RHBDL2: variants seen among roughly 807,000 people sequenced by gnomAD.
RHBDL2 encodes rhomboid like 2.
RHBDL2 carries 26 observed loss-of-function variants against 31.7 expected under a neutral mutation model. That is an observed-to-expected ratio of 0.82 (90% CI 0.60 to 1.14). The LOEUF is 1.14. Ranked by LOEUF, RHBDL2 falls within the 50% of genes most tolerant of loss-of-function variation. RHBDL2 has a pLI of 0.00. For missense variants in RHBDL2, 336 were observed against 364.4 expected, an observed-to-expected ratio of 0.92 and a Z score of 0.63; for synonymous variants, 123 against 127.2, an observed-to-expected ratio of 0.97 and a Z score of 0.22.
chr1:38,888,002 A>G lies in RHBDL2; in HGVS notation c.693T>C (p.Ala231=). 6.2e-7 allele frequency: 1 copy of G among 1,613,010 alleles called. No homozygotes were observed. Among genetic ancestry groups the G allele is most frequent in the Non-Finnish European group, 8.5e-7 (1 of 1,179,070 alleles). Residue 231 remains alanine (A), a synonymous_variant, in exon 7 of 8, where the codon GCT becomes GCC. Transcript: ENST00000372990. ...ILIIVLDMGF[A]LYRRFFVPED... ...CAGGAACAAAGAACCTTCTATAGAGAGCAAATCCCATGTCCAACACAACTA... is the reference window on the plus strand; with the variant it reads ...CAGGAACAAAGAACCTTCTATAGAGGGCAAATCCCATGTCCAACACAACTA...
intron 2 of RHBDL2, among the ~76,000 whole-genome samples, chr1:38,916,701 A>C (rs573364101): frequency 8.1e-6 from 1 of 123,240 alleles, no homozygotes; most frequent in African/African-American, 2.8e-5. Flanking sequence ...TACAAAAAAA[A>C]CAAACAAACA....
intron 4 of RHBDL2, 39 bp from the exon 5 acceptor site, chr1:38,896,108 CG>C: frequency 2.1e-6 from 3 of 1,418,010 alleles, no homozygotes; most frequent in Non-Finnish European, 3.0e-6. Flanking sequence ...CATGACTATA[CG>C]GATCAGGAAA....
At chr1:38,895,492 TGA>T (rs1056086140) in intron 5 of RHBDL2, among the ~76,000 whole-genome samples, 24 of 151,914 alleles carry the variant, frequency 1.6e-4, no homozygotes, top group African/African-American at 5.8e-4. Flanking sequence ...ACTTTTGAAA[TGA>T]GAAAAAAAAT....
At position 38,923,781 on chromosome 1, in the gene RHBDL2, G is replaced by T. The variant is rs566959828; in HGVS notation, c.-125-4444C>A. ...TCACTGGGTGGAGATTTACTGCACT[G>T]ACTCTGCTTTCTTACTCACTAAGCA... On this transcript the variant is annotated intron_variant, in intron 1 of 7. Transcript: ENST00000372990. 3.3e-5 allele frequency among the ~76,000 whole-genome samples: 5 copies of T among 152,286 alleles called. No homozygotes were observed. In the East Asian group the frequency reaches 9.6e-4, roughly 29 times the overall value.
chr1:38,911,931 C>T (rs1643154018), intron 3 of RHBDL2, among the ~76,000 whole-genome samples: 1 of 151,906 alleles, frequency 6.6e-6, no homozygotes, highest in African/African-American at 2.4e-5. Context: ...TTCAGCCTCC[C>T]TAGTAGCTGA....
At chr1:38,936,280 A>G (rs938527424) in intron 1 of RHBDL2, among the ~76,000 whole-genome samples, 1 of 151,966 alleles carries the variant, frequency 6.6e-6, no homozygotes, top group African/African-American at 2.4e-5. Context: ...CCTCAGGTTG[A>G]ATAAACAAGT....
intron 4 of RHBDL2, among the ~76,000 whole-genome samples, chr1:38,897,458 G>A (rs1385017838): frequency 1.3e-5 from 2 of 152,178 alleles, no homozygotes; most frequent in African/African-American, 4.8e-5. Context: ...TATAATCTCA[G>A]TGCTTTGGGA....
chr1:38,900,029 AGTACACAAAAGG>A, intron 4 of RHBDL2, among the ~76,000 whole-genome samples: 1 of 152,356 alleles, frequency 6.6e-6, no homozygotes, highest in African/African-American at 2.4e-5. Context: ...CAATGCTCAG[AGTACACAAAAGG>A]GTCCAGTGGT....
At chr1:38,897,881 A>C (rs960282465) in intron 4 of RHBDL2, among the ~76,000 whole-genome samples, 1 of 152,254 alleles carries the variant, frequency 6.6e-6, no homozygotes, top group African/African-American at 2.4e-5. Context: ...CTGTAATCCC[A>C]GCACTTTGGG....
At position 38,895,959 on chromosome 1, in the gene RHBDL2, T is replaced by C; in HGVS notation, c.609+10A>G. On this transcript the variant is annotated intron_variant, in intron 5 of 7. Transcript: ENST00000372990. Reference sequence around the variant, plus strand: ...AAGAGACTCGTGGACTCCATCCCCATGGTTCTTACCACCAGAACATTCATA... The same window carrying C: ...AAGAGACTCGTGGACTCCATCCCCACGGTTCTTACCACCAGAACATTCATA... 1.3e-6 allele frequency: 2 copies of C among 1,574,352 alleles called. No individual in the cohort carries two copies. Among genetic ancestry groups the C allele is most frequent in the South Asian group, 1.1e-5 (1 of 89,878 alleles).
intron 6 of RHBDL2, among the ~76,000 whole-genome samples, chr1:38,891,260 CAAAAAA>C (rs11445131): frequency 3.8e-5 from 3 of 79,266 alleles, no homozygotes; most frequent in African/African-American, 1.1e-4. Context: ...GACTCCGTCT[CAAAAAA>C]AAAAAAAAAA....
At chr1:38,910,768 T>TG (rs1450703267) in intron 4 of RHBDL2, among the ~76,000 whole-genome samples, 4 of 145,564 alleles carry the variant, frequency 2.7e-5, no homozygotes, top group South Asian at 2.2e-4. Flanking sequence ...TTTTTTTTTT[T>TG]TTTTTGTTTG....
At chr1:38,921,568 A>C (rs1053446427) in intron 1 of RHBDL2, among the ~76,000 whole-genome samples, 1 of 152,194 alleles carries the variant, frequency 6.6e-6, no homozygotes, top group African/African-American at 2.4e-5. Flanking sequence ...CTGATTTTCA[A>C]ATGAAACTCA....
chr1:38,925,867 C>A, intron 1 of RHBDL2: 1 of 878,106 alleles, frequency 1.1e-6, no homozygotes, highest in Non-Finnish European at 1.6e-6. Flanking sequence ...CCAGGCAGAG[C>A]AGTAGGCCTG....
intron 4 of RHBDL2, among the ~76,000 whole-genome samples, chr1:38,906,066 C>CAA (rs771773572): frequency 0.026 from 1,770 of 67,998 alleles, 32 homozygotes; most frequent in African/African-American, 0.075. Flanking sequence ...GACTCCAACT[C>CAA]AAAAAAAAAA....
intron 4 of RHBDL2, among the ~76,000 whole-genome samples, chr1:38,910,747 CCTTTT>C (rs1157904571): frequency 1.4e-4 from 19 of 138,584 alleles, no homozygotes; most frequent in African/African-American, 4.8e-4. Context: ...TTTCTTTATT[CCTTTT>C]CTTTTTTTTT....
intron 6 of RHBDL2, among the ~76,000 whole-genome samples, chr1:38,892,917 C>T (rs1184319833): frequency 6.6e-6 from 1 of 152,218 alleles, no homozygotes; most frequent in African/African-American, 2.4e-5. Flanking sequence ...ACTACCATCA[C>T]TCACCAACCA....
At chr1:38,918,374 C>T (rs1034497968) in intron 2 of RHBDL2, among the ~76,000 whole-genome samples, 1 of 152,132 alleles carries the variant, frequency 6.6e-6, no homozygotes, top group African/African-American at 2.4e-5. Context: ...CTAGGTGCCA[C>T]GAGGTACAGG....
At chr1:38,927,269 T>C (rs1427821513) in intron 1 of RHBDL2, among the ~76,000 whole-genome samples, 1 of 151,722 alleles carries the variant, frequency 6.6e-6, no homozygotes, top group Non-Finnish European at 1.5e-5. Flanking sequence ...CTACTAAAAA[T>C]ACAAAAAATT....
Sources: gnomAD v4.1 joint callset for allele counts (sites outside exome capture counted in the v4.1 genomes callset) on GRCh38, gnomAD v4.1.1 for gene constraint, MANE v1.5 for transcripts, NCBI Gene and HGNC (gene_info 2026-07-23, HGNC 2026-07-21) for gene names.